CSRNP1: variants seen among roughly 807,000 people sequenced by gnomAD.
CSRNP1 encodes cysteine and serine rich nuclear protein 1.
CSRNP1 carries 8 observed loss-of-function variants against 25.0 expected under a neutral mutation model. The observed-to-expected ratio is 0.32, with a 90% CI of 0.19 to 0.58. CSRNP1 has a LOEUF of 0.58. Ranked by LOEUF, CSRNP1 falls within the 20% of genes least tolerant of loss-of-function variation. The pLI is 0.88. For missense variants in CSRNP1, 691 were observed against 773.1 expected, an observed-to-expected ratio of 0.89 and a Z score of 1.26; for synonymous variants, 305 against 303.1, an observed-to-expected ratio of 1.01 and a Z score of -0.06.
At chr3:39,145,828 TTC>T (rs2039500898) in intron 2 of CSRNP1, among the ~76,000 whole-genome samples, 1 of 152,246 alleles carries the variant, frequency 6.6e-6, no homozygotes, top group African/African-American at 2.4e-5. Context: ...AAAAATTATA[TTC>T]TTTTTATGTG....
upstream of CSRNP1, chr3:39,154,473 C>T (rs2280630): frequency 0.33 from 50,819 of 152,184 alleles, 8,724 homozygotes; most frequent in African/African-American, 0.39. Flanking sequence ...ACTTCCCAAC[C>T]GCAGGTACGA....
In CSRNP1 at chr3:39,143,100, A is replaced by G. The variant is rs1348112447; in HGVS notation, c.1725T>C (p.Phe575=). The G allele has an allele frequency of 1.2e-6, 2 of 1,608,824 alleles. No homozygotes were observed. The highest frequency in any genetic ancestry group is 3.3e-5 in the Admixed American group (2 of 59,724). ...TTAGAGATGCTGGGACAGTGTCCTCAAACTGGCTGTCAATAAAGGGATCTA... is the reference window on the plus strand; with the variant it reads ...TTAGAGATGCTGGGACAGTGTCCTCGAACTGGCTGTCAATAAAGGGATCTA... ...EALDPFIDSQ[F]EDTVPASLME... is the part of the protein sequence containing the mutation. The change falls in exon 5 of 5, where the codon TTT becomes TTC. Residue 575 remains phenylalanine, a synonymous_variant. Transcript: ENST00000273153.
chr3:39,149,133 T>C (rs1430668492), intron 1 of CSRNP1: 1 of 131,550 alleles, frequency 7.6e-6, no homozygotes, highest in Non-Finnish European at 1.7e-5. Context: ...AAAAAAAAAA[T>C]GAGCTCCAGC....
Position 39,143,144 on chromosome 3 carries a change from C to T in CSRNP1, c.1681G>A (p.Glu561Lys), listed in dbSNP as rs577008244. ...CFLESLMGFSEPAAEALDPFI... is the reference protein window; with the variant it reads ...CFLESLMGFSKPAAEALDPFI... ...GGATCTAGGGCTTCGGCGGCTGGCT[C>T]GGAGAAGCCCATGAGGGACTCCAGG... Residue 561 changes from glutamate to lysine, a missense_variant, in exon 5 of 5, where the codon GAG becomes AAG. Glu to Lys is a moderately conservative substitution (Grantham distance 56, BLOSUM62 1). Coordinates refer to ENST00000273153, the MANE Select transcript of CSRNP1 (RefSeq NM_033027.4). 18 of 1,613,936 alleles carry T rather than the reference C, an allele frequency of 1.1e-5. No individual in the cohort carries two copies. The highest frequency in any genetic ancestry group is 1.7e-5 in the Admixed American group (1 of 60,016).
In CSRNP1 at chr3:39,143,581, C is replaced by A. The variant is rs1476306227; in HGVS notation, c.1244G>T (p.Gly415Val). The change falls in exon 5 of 5, where the codon GGG becomes GTG. Residue 415 changes from glycine to valine, a missense_variant. Gly to Val is a moderately radical substitution (Grantham distance 109, BLOSUM62 -3). Coordinates refer to ENST00000273153, the MANE Select transcript of CSRNP1 (RefSeq NM_033027.4). ...GAAGCAGCTGAGGTTGTCCAGGTTC[C>A]CCACGCTCCCTTCCTCCTCTTCCTC... is the stretch of plus-strand genomic sequence containing the variant. ...EEEEEEEGSV[G>V]NLDNLSCFHP... 8 of 1,614,172 alleles carry A rather than the reference C, an allele frequency of 5.0e-6. No individual in the cohort carries two copies. The highest frequency in any genetic ancestry group is 6.8e-6 in the Non-Finnish European group (8 of 1,180,028).
rs1325154765 is a variant in CSRNP1, at chr3:39,143,945, T to A, written c.880A>T (p.Ile294Phe). ...AACTGCAGGCGGGTGAGTGTGTGGA[T>A]GAAATGGGTCTGAACTCTTGCCTGA... ...FNQARVQTHF[I>F]HTLTRLQLEQ... The change falls in exon 5 of 5, where the codon ATC (isoleucine) becomes TTC (phenylalanine). Residue 294 changes from isoleucine (I) to phenylalanine (F), a missense_variant. Coordinates refer to ENST00000273153, the MANE Select transcript of CSRNP1 (RefSeq NM_033027.4). The A allele has an allele frequency of 6.2e-7, 1 of 1,613,934 alleles. No individual in the cohort carries two copies. Among genetic ancestry groups the A allele is most frequent in the Admixed American group, 1.7e-5 (1 of 60,000 alleles).
At chr3:39,153,219 C>A (rs2039608859) in intron 1 of CSRNP1, 2 of 152,468 alleles carry the variant, frequency 1.3e-5, no homozygotes, top group South Asian at 3.9e-4. Context: ...CCGCGGCGGG[C>A]GGGGGAGGGG....
intron 2 of CSRNP1, among the ~76,000 whole-genome samples, chr3:39,145,499 G>C (rs1008493525): frequency 5.3e-5 from 8 of 152,190 alleles, no homozygotes; most frequent in Admixed American, 5.2e-4. Flanking sequence ...GACAGTATTC[G>C]TAAGATTAAA....
At position 39,146,481 on chromosome 3, in the gene CSRNP1, T is replaced by C. The variant is rs1163075596; in HGVS notation, c.202A>G (p.Thr68Ala). 1 of 1,539,202 alleles carries C rather than the reference T, an allele frequency of 6.5e-7. No homozygotes were observed. ...DRDFCGPRSF[T>A]PLSILKRARR... is the part of the protein sequence containing the mutation. Reference sequence around the variant, plus strand: ...TCCCAGGGGAGGGAGTACTCACGGGTGAAACTTCTGGGGCCGCAGAAGTCA... The same window carrying C: ...TCCCAGGGGAGGGAGTACTCACGGGCGAAACTTCTGGGGCCGCAGAAGTCA... The change falls in exon 2 of 5, where the codon ACC becomes GCC. Residue 68 changes from threonine (T) to alanine (A), a missense_variant. Coordinates refer to ENST00000273153, the MANE Select transcript of CSRNP1 (RefSeq NM_033027.4).
At chr3:39,153,976 G>C (rs1213572985), upstream of CSRNP1, 1 of 152,198 alleles carries the variant, frequency 6.6e-6, no homozygotes, top group South Asian at 2.1e-4. Flanking sequence ...GCAAGGCCAC[G>C]GGCTAGACAG....
rs1016123717 is a variant in CSRNP1 at position 39,143,188 on chromosome 3, C to T, written c.1637G>A (p.Gly546Glu). 6.2e-7 allele frequency: 1 copy of T among 1,614,214 alleles called. No individual in the cohort carries two copies. Among genetic ancestry groups the T allele is most frequent in the Admixed American group, 1.7e-5 (1 of 60,032 alleles). ...HFPLPGLSPP[G>E]DASSCFLESL... ...CTCCAGGAAGCAACTGCTGGCATCCCCAGGTGGAGACAGGCCAGGCAGGGG... is the reference window on the plus strand; with the variant it reads ...CTCCAGGAAGCAACTGCTGGCATCCTCAGGTGGAGACAGGCCAGGCAGGGG... Residue 546 changes from glycine to glutamate, a missense_variant, in exon 5 of 5, where the codon GGG (glycine) becomes GAG (glutamate). By Grantham distance (98) the Gly-to-Glu change is moderately conservative (BLOSUM62 -2). Coordinates refer to ENST00000273153, the MANE Select transcript of CSRNP1 (RefSeq NM_033027.4).
At chr3:39,147,287 A>C (rs2039528454) in intron 1 of CSRNP1, among the ~76,000 whole-genome samples, 2 of 151,362 alleles carry the variant, frequency 1.3e-5, no homozygotes, top group South Asian at 4.2e-4. Context: ...CGGCCCTGGT[A>C]TGGTGGCTCT....
In CSRNP1 at chr3:39,143,303, G is replaced by A. The variant is rs2039442591; in HGVS notation, c.1522C>T (p.Leu508Phe). 6.2e-7 allele frequency: 1 copy of A among 1,614,238 alleles called. No homozygotes were observed. Among genetic ancestry groups the A allele is most frequent in the Non-Finnish European group, 8.5e-7 (1 of 1,180,042 alleles). ...AGACTATAATCTGGCAGAGCCTGGA[G>A]TAACTCAAAGGAGTCACAAGAAGAC... ...SLSSCDSFELLQALPDYSLGP... is the reference protein window; with the variant it reads ...SLSSCDSFELFQALPDYSLGP... The change falls in exon 5 of 5, where the codon CTC (leucine) becomes TTC (phenylalanine). Residue 508 changes from leucine (L) to phenylalanine (F), a missense_variant. Transcript: ENST00000273153.
intron 1 of CSRNP1, among the ~76,000 whole-genome samples, chr3:39,147,352 A>C (rs885067): frequency 1.3e-5 from 2 of 151,930 alleles, no homozygotes; most frequent in Non-Finnish European, 2.9e-5. Context: ...CTCTGCACAC[A>C]GGCAGGGCTG....
chr3:39,152,100 G>A (rs1371479603), intron 1 of CSRNP1: 1 of 152,608 alleles, frequency 6.6e-6, no homozygotes, highest in Non-Finnish European at 1.5e-5. Context: ...AGGACAAATA[G>A]AGTGGGGTGC....
At chr3:39,154,529 A>C (rs755689283), upstream of CSRNP1, 4 of 152,350 alleles carry the variant, frequency 2.6e-5, no homozygotes, top group Non-Finnish European at 5.9e-5. Context: ...CTTTTACTGC[A>C]GCCGGTCTTC....
At chr3:39,153,766 A>C (rs1188754702), upstream of CSRNP1, 3 of 137,696 alleles carry the variant, frequency 2.2e-5, no homozygotes, top group Admixed American at 2.1e-4. Context: ...CTCCCTGCGG[A>C]CTGTGACCCG....
intron 1 of CSRNP1, chr3:39,153,234 G>C (rs1416501475): frequency 6.6e-6 from 1 of 152,446 alleles, no homozygotes; most frequent in African/African-American, 2.4e-5. Context: ...GAGGGGAGCA[G>C]AAAACCTGCG....
chr3:39,144,659 A>C (rs7621922), intron 3 of CSRNP1, among the ~76,000 whole-genome samples: 19,462 of 151,684 alleles, frequency 0.13, 1,698 homozygotes, highest in African/African-American at 0.24. Context: ...TATCCTACTC[A>C]TGGCATTCCC....
Sources: gnomAD v4.1 joint callset for allele counts (sites outside exome capture counted in the v4.1 genomes callset) on GRCh38, gnomAD v4.1.1 for gene constraint, MANE v1.5 for transcripts, NCBI Gene and HGNC (gene_info 2026-07-23, HGNC 2026-07-21) for gene names.